Variants in CRISPLD2 observed in about 807,000 individuals in gnomAD.
The protein encoded by CRISPLD2 is cysteine rich secretory protein LCCL domain containing 2.
CRISPLD2 carries 47 observed loss-of-function variants against 71.1 expected under a neutral mutation model. That is an observed-to-expected ratio of 0.66 (90% CI 0.52 to 0.84). The LOEUF (loss-of-function observed/expected upper bound fraction) is 0.84. CRISPLD2 is among the 40% of genes least tolerant of loss of function. The pLI is 0.00. For synonymous variants in CRISPLD2, 317 were observed against 250.1 expected, an observed-to-expected ratio of 1.27 and a Z score of -2.52; for missense variants, 830 against 651.1, an observed-to-expected ratio of 1.27 and a Z score of -2.99.
rs746178436 is a variant in CRISPLD2, at chr16:84,866,904, C to CTACA, written c.718_721dup (p.Thr241IlefsTer6). The CTACA allele has an allele frequency of 6.2e-7, 1 of 1,613,894 alleles. No individual in the cohort carries two copies. Among genetic ancestry groups the CTACA allele is most frequent in the Admixed American group, 1.7e-5 (1 of 60,004 alleles). On this transcript the variant is annotated frameshift_variant, in exon 7 of 15. Transcript: ENST00000262424. LOFTEE classifies it high-confidence loss of function. ...TCCCTCTCCAATGTTAAGAAGAAAC[C>CTACA]TACACTCCAAAACCTGAAACGGACG... is the stretch of plus-strand genomic sequence containing the variant.
intron 14 of CRISPLD2, among the ~76,000 whole-genome samples, chr16:84,902,144 T>C (rs1195587507): frequency 1.3e-5 from 2 of 152,074 alleles, no homozygotes; most frequent in Non-Finnish European, 2.9e-5. Context: ...CAAGGCGCCA[T>C]GCTGCCTTCT....
intron 14 of CRISPLD2, among the ~76,000 whole-genome samples, chr16:84,889,776 G>C (rs2071645604): frequency 6.6e-6 from 1 of 151,512 alleles, no homozygotes. Context: ...GTGTGTGTGT[G>C]TGTGTGTGTG....
chr16:84,902,656 TTTC>T (rs1190179769), intron 14 of CRISPLD2, among the ~76,000 whole-genome samples: 5 of 151,748 alleles, frequency 3.3e-5, no homozygotes, highest in African/African-American at 1.2e-4. Context: ...CCCAGTTACT[TTTC>T]TTGTAGGATT....
intron 14 of CRISPLD2, among the ~76,000 whole-genome samples, chr16:84,893,096 C>T (rs2071676952): frequency 6.6e-6 from 1 of 151,842 alleles, no homozygotes. Context: ...GGAGTGAGCA[C>T]TGGAGCCCCC....
chr16:84,878,310 C>G (rs1420198871), intron 12 of CRISPLD2, among the ~76,000 whole-genome samples: 2 of 149,916 alleles, frequency 1.3e-5, no homozygotes, highest in African/African-American at 5.1e-5. Flanking sequence ...ATTGTCAGCA[C>G]CGAATGTCAT....
At chr16:84,826,088 T>C (rs1916345339) in intron 1 of CRISPLD2, among the ~76,000 whole-genome samples, 1 of 152,204 alleles carries the variant, frequency 6.6e-6, no homozygotes, top group South Asian at 2.1e-4. Flanking sequence ...CAAAGCATCC[T>C]GTTATCCTAG....
intron 12 of CRISPLD2, among the ~76,000 whole-genome samples, chr16:84,879,905 C>T (rs990843103): frequency 3.3e-5 from 5 of 152,180 alleles, no homozygotes; most frequent in East Asian, 1.9e-4. Flanking sequence ...AAGTAAAGCC[C>T]GTGCTCTTTC....
At chr16:84,891,790 C>T (rs2071665071) in intron 14 of CRISPLD2, among the ~76,000 whole-genome samples, 1 of 152,190 alleles carries the variant, frequency 6.6e-6, no homozygotes, top group Admixed American at 6.5e-5. Context: ...GAGAGAAGGC[C>T]CCCGAAGCAG....
intron 14 of CRISPLD2, among the ~76,000 whole-genome samples, chr16:84,896,138 A>T (rs1469099940): frequency 2.0e-5 from 3 of 151,158 alleles, no homozygotes; most frequent in Admixed American, 2.0e-4. Flanking sequence ...TCCTGGGTTC[A>T]GTGATTATCC....
At chr16:84,848,089 G>A (rs572619969) in intron 3 of CRISPLD2, among the ~76,000 whole-genome samples, 42 of 152,278 alleles carry the variant, frequency 2.8e-4, no homozygotes, top group African/African-American at 9.4e-4. Context: ...AACTTGCTTT[G>A]CAAAAGAGCC....
At chr16:84,875,862 G>A (rs147958917) in intron 11 of CRISPLD2, among the ~76,000 whole-genome samples, 35 of 151,228 alleles carry the variant, frequency 2.3e-4, no homozygotes, top group Non-Finnish European at 4.0e-4. Flanking sequence ...CATTGCACCC[G>A]GCCTGGACAC....
chr16:84,838,699 C>T lies in CRISPLD2; in HGVS notation c.204C>T (p.Gly68=), dbSNP rs534845009. ...EILMLHNKLR[G]QVQPQASNME... Reference sequence around the variant, plus strand: ...TCATGCTGCACAACAAGCTTCGGGGCCAGGTGCAGCCTCAGGCCTCCAACA... The same window carrying T: ...TCATGCTGCACAACAAGCTTCGGGGTCAGGTGCAGCCTCAGGCCTCCAACA... Residue 68 remains glycine, a synonymous_variant, in exon 2 of 15, where the codon GGC becomes GGT. Coordinates refer to ENST00000262424, the MANE Select transcript of CRISPLD2 (RefSeq NM_031476.4). The T allele has an allele frequency of 1.5e-4, 246 of 1,614,026 alleles. 3 individuals carry two copies. The South Asian group carries it at 2.6e-3, about 17-fold the overall frequency.
chr16:84,897,191 C>A (rs1184694282), intron 14 of CRISPLD2, among the ~76,000 whole-genome samples: 1 of 151,968 alleles, frequency 6.6e-6, no homozygotes, highest in Non-Finnish European at 1.5e-5. Context: ...TGCCTGTAAT[C>A]CAGGTACATT....
At chr16:84,878,832 G>C (rs1049478299) in intron 12 of CRISPLD2, among the ~76,000 whole-genome samples, 5 of 152,236 alleles carry the variant, frequency 3.3e-5, no homozygotes, top group African/African-American at 1.2e-4. Flanking sequence ...CATCTGTAAT[G>C]CTAAGCTGCC....
chr16:84,888,160 G>C (rs961388763), intron 13 of CRISPLD2, among the ~76,000 whole-genome samples: 2 of 152,236 alleles, frequency 1.3e-5, no homozygotes, highest in African/African-American at 4.8e-5. Flanking sequence ...GGCTTCAGAG[G>C]AGAATCCGTT....
chr16:84,850,037 T>C (rs1410645931), intron 4 of CRISPLD2, among the ~76,000 whole-genome samples: 3 of 151,938 alleles, frequency 2.0e-5, no homozygotes, highest in African/African-American at 7.3e-5. Flanking sequence ...AGAAAACTTC[T>C]ATGGCAATTT....
intron 14 of CRISPLD2, among the ~76,000 whole-genome samples, chr16:84,892,405 GC>G (rs2071670748): frequency 1.3e-5 from 2 of 152,346 alleles, no homozygotes; most frequent in Non-Finnish European, 2.9e-5. Context: ...CCTTGCTCCA[GC>G]CTGGCCTGGG....
chr16:84,902,768 A>G (rs1376634837), intron 14 of CRISPLD2, among the ~76,000 whole-genome samples: 4 of 104,696 alleles, frequency 3.8e-5, no homozygotes, highest in East Asian at 3.6e-4. Flanking sequence ...AAATCGGCCC[A>G]TTGCTTTTTT....
At chr16:84,861,597 G>T (rs1179468172) in intron 6 of CRISPLD2, among the ~76,000 whole-genome samples, 1 of 152,016 alleles carries the variant, frequency 6.6e-6, no homozygotes. Flanking sequence ...CCAAGACCCA[G>T]CCCACTGACT....
Sources: gnomAD v4.1 joint callset for allele counts (sites outside exome capture counted in the v4.1 genomes callset) on GRCh38, gnomAD v4.1.1 for gene constraint, MANE v1.5 for transcripts, NCBI Gene and HGNC (gene_info 2026-07-23, HGNC 2026-07-21) for gene names.